Variants in S100Z observed in about 807,000 individuals in gnomAD.
S100Z encodes S100 calcium binding protein Z.
A neutral mutation model predicts 8.5 loss-of-function variants in S100Z; 11 were observed. The ratio of observed to expected loss-of-function variants is 1.30; its 90% CI spans 0.82 to 2.15. The LOEUF (loss-of-function observed/expected upper bound fraction) is 2.15. S100Z is among the 30% of genes most tolerant of loss of function. The probability of loss-of-function intolerance (pLI) is 0.00; values close to 1 mark genes in which losing one functional copy is unlikely to be tolerated. For missense variants in S100Z, 126 were observed against 117.9 expected, an observed-to-expected ratio of 1.07 and a Z score of -0.32; for synonymous variants, 34 against 43.8, an observed-to-expected ratio of 0.78 and a Z score of 0.89.
chr5:76,948,187 G>A, the S100Z span, among the ~76,000 whole-genome samples: 57 of 140,380 alleles, frequency 4.1e-4, 1 homozygote, highest in East Asian at 0.011. Flanking sequence ...TTAGCTGGGT[G>A]TGGTGGTGCA....
At chr5:76,923,312 C>T (rs1298085373), downstream of S100Z, among the ~76,000 whole-genome samples, 1 of 152,106 alleles carries the variant, frequency 6.6e-6, no homozygotes, top group African/African-American at 2.4e-5. Context: ...TGGATTTGCC[C>T]ATTTATTCCC....
chr5:76,856,160 A>T (rs562770282), intron 1 of S100Z, among the ~76,000 whole-genome samples: 11 of 152,200 alleles, frequency 7.2e-5, no homozygotes, highest in African/African-American at 2.4e-4. Flanking sequence ...TGCTTCCTGT[A>T]CAGCCTGTGA....
In S100Z at chr5:76,893,826, T is replaced by C. The variant is rs751791201; in HGVS notation, c.*2+15992T>C. 5.3e-5 allele frequency among the ~76,000 whole-genome samples: 8 copies of C among 152,310 alleles called. No homozygotes were observed. In the Middle Eastern group the frequency reaches 0.014, roughly 259 times the overall value. On this transcript the variant is annotated intron_variant, in intron 4 of 4. Coordinates refer to ENST00000317593, the MANE Select transcript of S100Z (RefSeq NM_130772.4). ...TAACCTTTTCTCAGCTTCTCCTTCA[T>C]CAACTAAGGGTGCACCCTGGGTTTC...
chr5:76,906,976 GTATATATATATA>G (rs869046562), intron 4 of S100Z, among the ~76,000 whole-genome samples: 254 of 21,706 alleles, frequency 0.012, 4 homozygotes, highest in Admixed American at 0.042. Context: ...TTGTGTGTGT[GTATATATATATA>G]TATATATATA....
At chr5:76,915,059 A>T (rs1744808651) in intron 4 of S100Z, among the ~76,000 whole-genome samples, 1 of 152,192 alleles carries the variant, frequency 6.6e-6, no homozygotes. Context: ...CAATCCCAGC[A>T]CTTTGGGAGG....
At chr5:76,906,333 A>G (rs979780616) in intron 4 of S100Z, among the ~76,000 whole-genome samples, 12 of 152,192 alleles carry the variant, frequency 7.9e-5, no homozygotes, top group Non-Finnish European at 1.8e-4. Flanking sequence ...GTAATACATT[A>G]TTATTAACTA....
intron 4 of S100Z, among the ~76,000 whole-genome samples, chr5:76,905,938 C>T (rs1186422484): frequency 6.6e-6 from 1 of 151,006 alleles, no homozygotes; most frequent in East Asian, 2.0e-4. Context: ...AAGTGATCCT[C>T]CCACCTCAGC....
At chr5:76,897,137 G>T (rs1260393149) in intron 4 of S100Z, among the ~76,000 whole-genome samples, 1 of 152,072 alleles carries the variant, frequency 6.6e-6, no homozygotes, top group Admixed American at 6.6e-5. Context: ...TGGCTATTCT[G>T]GGTCTTTTGT....
intron 4 of S100Z, among the ~76,000 whole-genome samples, chr5:76,895,403 G>A (rs1029486458): frequency 1.3e-5 from 2 of 151,900 alleles, no homozygotes; most frequent in Admixed American, 1.3e-4. Context: ...ATTCCCAAAT[G>A]ATAGAAATTT....
chr5:76,951,025 A>ATT, the S100Z span, among the ~76,000 whole-genome samples: 1 of 147,218 alleles, frequency 6.8e-6, no homozygotes, highest in African/African-American at 2.5e-5. Flanking sequence ...ATTACCATTA[A>ATT]TTTTTTTTTT....
At chr5:76,915,315 A>AC (rs1430816284) in intron 4 of S100Z, among the ~76,000 whole-genome samples, 1 of 146,126 alleles carries the variant, frequency 6.8e-6, no homozygotes, top group Non-Finnish European at 1.5e-5. Flanking sequence ...AAAAAAAAAA[A>AC]AAAAAATGCT....
the S100Z span, among the ~76,000 whole-genome samples, chr5:76,934,188 T>G: frequency 6.6e-6 from 1 of 152,194 alleles, no homozygotes; most frequent in Non-Finnish European, 1.5e-5. Context: ...TTTCTCCCAA[T>G]GCAGACCACA....
At chr5:76,911,538 G>A (rs961957226) in intron 4 of S100Z, among the ~76,000 whole-genome samples, 2 of 152,160 alleles carry the variant, frequency 1.3e-5, no homozygotes, top group African/African-American at 4.8e-5. Context: ...TTGCCCCAAG[G>A]GTTTAGGGAT....
intron 4 of S100Z, among the ~76,000 whole-genome samples, chr5:76,907,128 T>G (rs1042945642): frequency 2.4e-4 from 36 of 151,476 alleles, no homozygotes; most frequent in African/African-American, 7.7e-4. Context: ...ATTGCCTAAT[T>G]GTTTCAATAT....
the S100Z span, among the ~76,000 whole-genome samples, chr5:76,943,809 G>C: frequency 6.6e-6 from 1 of 152,098 alleles, no homozygotes; most frequent in Non-Finnish European, 1.5e-5. Context: ...TCCAGGACTT[G>C]GGACACCCAA....
At chr5:76,885,062 G>A (rs1442675499) in intron 4 of S100Z, among the ~76,000 whole-genome samples, 3 of 152,196 alleles carry the variant, frequency 2.0e-5, no homozygotes, top group Non-Finnish European at 4.4e-5. Context: ...GAAATCATAA[G>A]TGCCGTTTTC....
chr5:76,912,970 A>G (rs996201659), intron 4 of S100Z, among the ~76,000 whole-genome samples: 4 of 152,158 alleles, frequency 2.6e-5, no homozygotes, highest in African/African-American at 9.7e-5. Flanking sequence ...GACAGACAAA[A>G]AGGGAGTCAG....
At chr5:76,873,638 ACCT>A (rs1232497622) in intron 2 of S100Z, among the ~76,000 whole-genome samples, 2 of 152,220 alleles carry the variant, frequency 1.3e-5, no homozygotes, top group East Asian at 3.9e-4. Context: ...TACAGTGAAC[ACCT>A]CCTGGGAACC....
At chr5:76,929,544 T>A in the S100Z span, among the ~76,000 whole-genome samples, 2 of 152,220 alleles carry the variant, frequency 1.3e-5, no homozygotes, top group East Asian at 1.9e-4. Flanking sequence ...CCTCTTATGG[T>A]CTTGCACTTT....
Sources: gnomAD v4.1 joint callset for allele counts (sites outside exome capture counted in the v4.1 genomes callset) on GRCh38, gnomAD v4.1.1 for gene constraint, MANE v1.5 for transcripts, NCBI Gene and HGNC (gene_info 2026-07-23, HGNC 2026-07-21) for gene names.